Variants in FHAD1 observed in about 807,000 individuals in gnomAD.
The protein encoded by FHAD1 is forkhead associated phosphopeptide binding domain 1.
A neutral mutation model predicts 191.3 loss-of-function variants in FHAD1; 146 were observed. The ratio of observed to expected loss-of-function variants is 0.76; its 90% CI spans 0.67 to 0.88. The LOEUF is 0.88. Among genes scored for constraint, FHAD1 ranks in the 40% least tolerant of loss-of-function variants. The pLI is 0.00. For synonymous variants in FHAD1, 616 were observed against 672.3 expected, an observed-to-expected ratio of 0.92 and a Z score of 1.29; for missense variants, 1,635 against 1,785.8, an observed-to-expected ratio of 0.92 and a Z score of 1.52.
At chr1:15,360,126 A>G (rs1694288636) in intron 21 of FHAD1, among the ~76,000 whole-genome samples, 1 of 152,214 alleles carries the variant, frequency 6.6e-6, no homozygotes, top group Non-Finnish European at 1.5e-5. Flanking sequence ...ACAAACAACA[A>G]CAACAACAAA....
At chr1:15,334,652 A>G (rs1683239845) in intron 14 of FHAD1, 1 of 152,262 alleles carries the variant, frequency 6.6e-6, no homozygotes, top group Non-Finnish European at 1.5e-5. Context: ...TGCTGGTCAC[A>G]GTTAGCTCGT....
At position 15,351,755 on chromosome 1, in the gene FHAD1, C is replaced by T. The variant is rs139481146; in HGVS notation, c.2455-1122C>T. Among the ~76,000 whole-genome samples the T allele has an allele frequency of 5.8e-3, 877 of 151,134 alleles. 6 individuals carry two copies. Among genetic ancestry groups the T allele is most frequent in the African/African-American group, 0.02 (820 of 41,156 alleles). ...ACAGGCAGGACTTAGCTCTCCAGGG[C>T]ACAGATTGGACCATCTTAAGCAAAG... On this transcript the variant is annotated intron_variant, in intron 19 of 33. Coordinates refer to ENST00000688493, the MANE Select transcript of FHAD1 (RefSeq NM_001391957.1).
intron 31 of FHAD1, chr1:15,383,696 T>C (rs1270253574): frequency 1.3e-5 from 4 of 306,732 alleles, no homozygotes; most frequent in Non-Finnish European, 2.6e-5. Flanking sequence ...TCACTGTTTC[T>C]TCATGACCGT....
At chr1:15,346,460 G>T (rs534630963) in intron 18 of FHAD1, among the ~76,000 whole-genome samples, 2 of 152,212 alleles carry the variant, frequency 1.3e-5, no homozygotes, top group South Asian at 4.1e-4. Flanking sequence ...CACAGCCCAC[G>T]TCATTTTTGG....
intron 3 of FHAD1, among the ~76,000 whole-genome samples, chr1:15,273,673 A>T (rs1372536713): frequency 6.6e-6 from 1 of 152,172 alleles, no homozygotes; most frequent in East Asian, 1.9e-4. Flanking sequence ...GAAACCTGTG[A>T]GATACTTGAC....
At position 15,374,486 on chromosome 1, in the gene FHAD1, C is replaced by A; in HGVS notation, c.3448-16C>A. 1 of 1,551,678 alleles carries A rather than the reference C, an allele frequency of 6.4e-7. No homozygotes were observed. The highest frequency in any genetic ancestry group is 1.7e-4 in the Middle Eastern group (1 of 5,990). ...TAATCCCTGATCAAATGCTGCCCGC[C>A]CCATTCTGCCCACAGCAGCAATCCT... On this transcript the variant is annotated splice_polypyrimidine_tract_variant and intron_variant, in intron 26 of 33. Coordinates refer to ENST00000688493, the MANE Select transcript of FHAD1 (RefSeq NM_001391957.1).
intron 28 of FHAD1, among the ~76,000 whole-genome samples, chr1:15,378,185 T>C (rs1700094812): frequency 6.6e-6 from 1 of 152,156 alleles, no homozygotes; most frequent in African/African-American, 2.4e-5. Context: ...ACATCCGTGC[T>C]CAGGCACGAG....
rs1688340662 is a variant in FHAD1, at chr1:15,345,085, T to C, written c.2133T>C (p.Ala711=). The C allele has an allele frequency of 2.6e-6, 4 of 1,551,058 alleles. No homozygotes were observed. The highest frequency in any genetic ancestry group is 3.5e-6 in the Non-Finnish European group (4 of 1,146,384). Residue 711 remains alanine, a splice_region_variant and synonymous_variant, in exon 17 of 34, where the codon GCT becomes GCC. Coordinates refer to ENST00000688493, the MANE Select transcript of FHAD1 (RefSeq NM_001391957.1). ...KIRQLTEEKA[A]LEEYITQERN... Reference sequence around the variant, plus strand: ...AAACAATGGTCATTGGTTTCCAGGCTTTGGAGGAGTACATTACTCAAGAGA... The same window carrying C: ...AAACAATGGTCATTGGTTTCCAGGCCTTGGAGGAGTACATTACTCAAGAGA...
intron 33 of FHAD1, among the ~76,000 whole-genome samples, chr1:15,392,603 C>T (rs761155062): frequency 3.9e-5 from 6 of 152,044 alleles, no homozygotes; most frequent in Non-Finnish European, 5.9e-5. Flanking sequence ...TAGTGTGCTT[C>T]GAGTCCTTAA....
intron 26 of FHAD1, among the ~76,000 whole-genome samples, chr1:15,372,802 C>G (rs1698497198): frequency 6.6e-6 from 1 of 152,210 alleles, no homozygotes; most frequent in South Asian, 2.1e-4. Context: ...CTGAAGCCTT[C>G]CCTGGCAACT....
At chr1:15,387,812 G>C (rs192513501) in intron 31 of FHAD1, among the ~76,000 whole-genome samples, 111 of 152,314 alleles carry the variant, frequency 7.3e-4, no homozygotes, top group African/African-American at 2.1e-3. Context: ...TTGAGCCTGA[G>C]AGGTCGAGGC....
At chr1:15,332,638 G>A (rs1199465263) in intron 14 of FHAD1, among the ~76,000 whole-genome samples, 3 of 152,190 alleles carry the variant, frequency 2.0e-5, no homozygotes, top group African/African-American at 7.2e-5. Context: ...AGAATCCCTT[G>A]AGGCTAAGAT....
At chr1:15,393,838 A>G (rs1705043981) in intron 33 of FHAD1, among the ~76,000 whole-genome samples, 1 of 151,986 alleles carries the variant, frequency 6.6e-6, no homozygotes, top group African/African-American at 2.4e-5. Flanking sequence ...TTGGAGGACA[A>G]AGGCCCCTGA....
At chr1:15,290,661 C>G (rs1471320888) in intron 4 of FHAD1, among the ~76,000 whole-genome samples, 3 of 151,916 alleles carry the variant, frequency 2.0e-5, no homozygotes, top group Non-Finnish European at 4.4e-5. Flanking sequence ...TGAGAAATGA[C>G]TCAGCCATTT....
chr1:15,353,620 G>A (rs1192711286), intron 20 of FHAD1, among the ~76,000 whole-genome samples: 1 of 146,736 alleles, frequency 6.8e-6, no homozygotes, highest in African/African-American at 2.6e-5. Flanking sequence ...CAGGAGAATC[G>A]CTTGAACCTG....
chr1:15,368,969 C>T (rs1697340126), intron 25 of FHAD1, among the ~76,000 whole-genome samples: 1 of 152,100 alleles, frequency 6.6e-6, no homozygotes, highest in African/African-American at 2.4e-5. Flanking sequence ...AGACCATCCA[C>T]TTACAAGAAA....
In FHAD1 at chr1:15,291,871, C is replaced by T. The variant is rs182569470; in HGVS notation, c.568+2205C>T. On this transcript the variant is annotated intron_variant, in intron 4 of 33. Coordinates refer to ENST00000688493, the MANE Select transcript of FHAD1 (RefSeq NM_001391957.1). ...AAGCCTCAGTTCTTCACCACTGCCA[C>T]CTCTCCTAGGCTGCTTGAGTCTCCT... Among the ~76,000 whole-genome samples, 105 of 152,308 alleles carry T rather than the reference C, an allele frequency of 6.9e-4. 1 individual carries two copies. In the Middle Eastern group the frequency reaches 0.017, roughly 25 times the overall value.
intron 14 of FHAD1, among the ~76,000 whole-genome samples, chr1:15,339,072 A>C (rs1255638145): frequency 6.6e-6 from 1 of 152,178 alleles, no homozygotes; most frequent in Non-Finnish European, 1.5e-5. Flanking sequence ...GCGGGAATGC[A>C]GTGGCACAAT....
intron 2 of FHAD1, among the ~76,000 whole-genome samples, chr1:15,264,807 C>T (rs1375153266): frequency 6.6e-6 from 1 of 152,054 alleles, no homozygotes; most frequent in Non-Finnish European, 1.5e-5. Flanking sequence ...TAGCTATGAG[C>T]TTTTCACATA....
Sources: allele counts gnomAD v4.1 joint callset (sites outside exome capture counted in the v4.1 genomes callset), GRCh38; gene constraint gnomAD v4.1.1; transcripts MANE v1.5; gene names NCBI Gene and HGNC (gene_info 2026-07-23, HGNC 2026-07-21).